ABR: variants seen among roughly 807,000 people sequenced by gnomAD.
The protein encoded by ABR is active breakpoint cluster region-related protein.
In ABR, 35 loss-of-function variants were observed where a neutral mutation model predicts 107.2. The observed-to-expected ratio is 0.33, with a 90% confidence interval of 0.25 to 0.43. The LOEUF is 0.43. ABR is among the 20% of genes least tolerant of loss of function. The probability of loss-of-function intolerance (pLI) is 1.00; values close to 1 mark genes in which losing one functional copy is unlikely to be tolerated. For missense variants in ABR, 815 were observed against 1,115.2 expected (o/e 0.73, Z 3.83); for synonymous variants, 498 against 462.0 (o/e 1.08, Z -1.00).
intron 4 of ABR, among the ~76,000 whole-genome samples, chr17:1,089,523 C>T (rs1646457715): frequency 6.6e-6 from 1 of 152,208 alleles, no homozygotes; most frequent in African/African-American, 2.4e-5. Flanking sequence ...GCTGGAGAAA[C>T]AGGACTCTCA....
At position 1,152,196 on chromosome 17, in the gene ABR, A is replaced by C. The variant is rs375444707; in HGVS notation, c.62-26829T>G. Among the ~76,000 whole-genome samples the C allele has an allele frequency of 2.1e-4, 32 of 152,118 alleles. No homozygotes were observed. The South Asian group carries it at 6.7e-3, about 32-fold the overall frequency. ...TCCCATCTACTCGGGAGGCTGAGGC[A>C]GGAGAATGGCGTGAACCTAGAGCTT... On this transcript the variant is annotated intron_variant, in intron 1 of 22. Coordinates refer to ENST00000302538, the MANE Select transcript of ABR (RefSeq NM_021962.5).
At chr17:1,109,307 C>CCGTGCCCGGCCCGTGGCGGAGG (rs1226669141) in intron 2 of ABR, among the ~76,000 whole-genome samples, 1 of 151,848 alleles carries the variant, frequency 6.6e-6, no homozygotes, top group East Asian at 1.9e-4. Context: ...GCCCCTGACG[C>CCGTGCCCGGCCCGTGGCGGAGG]CGTGCCCGGC....
At chr17:1,153,432 G>A (rs1289365920) in intron 1 of ABR, among the ~76,000 whole-genome samples, 46 of 143,702 alleles carry the variant, frequency 3.2e-4, no homozygotes, top group African/African-American at 1.2e-3. Context: ...GCACACCTGC[G>A]GGAGGGCTGG....
rs1465451185 is a variant in ABR, at chr17:1,125,496, G to GGCGGGGGCTGT, written c.62-140_62-130dup. ...GGCCGCACCATCCACGCCTGGCCCG[G>GGCGGGGGCTGT]GCGGGGGCTGTGCGGGGGCCTGGGC... On this transcript the variant is annotated intron_variant, in intron 1 of 22. Coordinates refer to ENST00000302538, the MANE Select transcript of ABR (RefSeq NM_021962.5). The GGCGGGGGCTGT allele has an allele frequency of 1.9e-5, 19 of 989,758 alleles. No homozygotes were observed. In the African/African-American group the frequency reaches 3.2e-4, roughly 17 times the overall value. The allele number at this position is 989,758 out of a possible 1,614,324, so 61.3% of individuals were successfully genotyped here.
chr17:1,016,652 AC>A (rs1461366939), intron 16 of ABR, among the ~76,000 whole-genome samples: 6 of 151,688 alleles, frequency 4.0e-5, no homozygotes, highest in Non-Finnish European at 8.8e-5. Flanking sequence ...TCTGTTCCCC[AC>A]CCAGGAGGTC....
At chr17:1,216,417 T>C (rs1372421234) in intron 1 of ABR, among the ~76,000 whole-genome samples, 1 of 152,150 alleles carries the variant, frequency 6.6e-6, no homozygotes, top group African/African-American at 2.4e-5. Context: ...TTCCCTGCAC[T>C]AGACTCACTC....
intron 1 of ABR, among the ~76,000 whole-genome samples, chr17:1,140,227 G>T (rs540015288): frequency 6.6e-6 from 1 of 152,376 alleles, no homozygotes; most frequent in East Asian, 1.9e-4. Context: ...GGCCACAGCA[G>T]GGTCCTCTGG....
At chr17:1,160,928 G>A (rs868404525) in intron 1 of ABR, among the ~76,000 whole-genome samples, 4 of 152,206 alleles carry the variant, frequency 2.6e-5, no homozygotes, top group Non-Finnish European at 5.9e-5. Context: ...TCACTCCATC[G>A]AGCCTTGCTC....
intron 1 of ABR, among the ~76,000 whole-genome samples, chr17:1,142,240 C>G (rs2040314591): frequency 6.6e-6 from 1 of 152,084 alleles, no homozygotes; most frequent in Non-Finnish European, 1.5e-5. Context: ...AGGCCAAGAG[C>G]CGCCAGGTTC....
At chr17:1,124,628 A>G (rs1288110570) in intron 2 of ABR, among the ~76,000 whole-genome samples, 1 of 152,188 alleles carries the variant, frequency 6.6e-6, no homozygotes, top group Admixed American at 6.5e-5. Flanking sequence ...TCCTTCTACA[A>G]TGCTTCTCTC....
Position 1,091,332 on chromosome 17 carries a change from AGG to A in ABR, c.531+331_531+332del, listed in dbSNP as rs370227371. Among the ~76,000 whole-genome samples, 222 of 114,728 alleles carry A rather than the reference AGG, an allele frequency of 1.9e-3. 3 individuals carry two copies. The South Asian group carries it at 0.059, about 31-fold the overall frequency. The allele number at this position is 114,728 out of a possible 152,430, so 75.3% of individuals were successfully genotyped here. A position where few individuals can be genotyped will look rare whatever the true frequency, so the allele number is the denominator to read the frequency against. On this transcript the variant is annotated intron_variant, in intron 4 of 22. Transcript: ENST00000302538. The stretch of plus-strand genomic sequence containing the variant: ...CGGGAAAGACGGAGCACCCTCCGGG[AGG>A]GAGAAGGAGCACCCTCCGGGAGAGA...
rs935443142 is a variant in ABR at position 1,179,663 on chromosome 17, G to A, written c.61+4C>T. 6.5e-7 allele frequency: 1 copy of A among 1,548,998 alleles called. No individual in the cohort carries two copies. The highest frequency in any genetic ancestry group is 2.6e-5 in the East Asian group (1 of 38,676). Reference sequence around the variant, plus strand: ...GGGGTCCCGCCCCCGCCCGGCACACGTACTGCTGTAGAGGGTGTCGATCCA... The same window carrying A: ...GGGGTCCCGCCCCCGCCCGGCACACATACTGCTGTAGAGGGTGTCGATCCA... On this transcript the variant is annotated splice_donor_region_variant and intron_variant, in intron 1 of 22. Transcript: ENST00000302538. This position sits in a 1 kb window ranked among gnomAD's most constrained non-coding sequence, Gnocchi z 4.9.
At chr17:1,043,079 C>T (rs545951712) in intron 16 of ABR, among the ~76,000 whole-genome samples, 2 of 152,072 alleles carry the variant, frequency 1.3e-5, no homozygotes, top group East Asian at 1.9e-4. Context: ...GATGGGGTTT[C>T]GGCTGGGGAG....
At chr17:1,142,596 A>G (rs1192102310) in intron 1 of ABR, among the ~76,000 whole-genome samples, 3 of 152,070 alleles carry the variant, frequency 2.0e-5, no homozygotes, top group East Asian at 1.9e-4. Flanking sequence ...AAAAAAAAAA[A>G]AAAAATACTC....
intron 16 of ABR, among the ~76,000 whole-genome samples, chr17:1,045,710 T>C (rs1454636717): frequency 6.6e-6 from 1 of 152,220 alleles, no homozygotes; most frequent in East Asian, 1.9e-4. Context: ...CTCGCTTATG[T>C]GTGTACGGCT....
chr17:1,087,711 C>A (rs2036707581), intron 4 of ABR, among the ~76,000 whole-genome samples: 1 of 152,102 alleles, frequency 6.6e-6, no homozygotes, highest in East Asian at 1.9e-4. Flanking sequence ...AGTCAGATCA[C>A]CGATATTCTT....
intron 1 of ABR, 149 bp from the exon 2 acceptor site, chr17:1,125,516 C>G: frequency 2.9e-6 from 2 of 694,402 alleles, no homozygotes; most frequent in Non-Finnish European, 4.2e-6. Flanking sequence ...GTGCGGGGGC[C>G]TGGGCCTGGT....
intron 16 of ABR, among the ~76,000 whole-genome samples, chr17:1,019,654 G>A (rs775221163): frequency 1.3e-5 from 2 of 152,266 alleles, no homozygotes; most frequent in East Asian, 1.9e-4. Context: ...GAGGCACAGC[G>A]TACATTTTCC....
chr17:1,012,953 G>C (rs1172182183), intron 17 of ABR, 152 bp downstream of exon 17: 4 of 1,072,096 alleles, frequency 3.7e-6, no homozygotes, highest in Non-Finnish European at 5.6e-6. Context: ...CAGCGGGCAG[G>C]GTGTGGGCAG....
Sources: allele counts gnomAD v4.1 joint callset (sites outside exome capture counted in the v4.1 genomes callset), GRCh38; gene constraint gnomAD v4.1.1; non-coding constraint Gnocchi (gnomAD v3.1); transcripts MANE v1.5; gene names NCBI Gene and HGNC (gene_info 2026-07-23, HGNC 2026-07-21).